The following SUGP1 variants were observed in gnomAD, a reference collection of about 807,000 sequenced individuals.
SUGP1 encodes the protein SURP and G-patch domain-containing protein 1.
SUGP1 carries 34 observed loss-of-function variants against 76.5 expected under a neutral mutation model. The ratio of observed to expected loss-of-function variants is 0.44; its 90% confidence interval spans 0.34 to 0.59. SUGP1 has a LOEUF of 0.59. Among genes scored for constraint, SUGP1 ranks in the 20% least tolerant of loss-of-function variants. The probability of loss-of-function intolerance (pLI) is 0.01; values close to 1 mark genes in which losing one functional copy is unlikely to be tolerated. For synonymous variants in SUGP1, 326 were observed against 326.2 expected, an observed-to-expected ratio of 1.00 and a Z score of 0.01; for missense variants, 752 against 851.7, an observed-to-expected ratio of 0.88 and a Z score of 1.46.
chr19:19,290,510 G>C (rs879731762), intron 8 of SUGP1, among the ~76,000 whole-genome samples: 6 of 151,912 alleles, frequency 3.9e-5, no homozygotes, highest in African/African-American at 1.2e-4. Flanking sequence ...CGGGCATGGT[G>C]GTGGGCACCT....
intron 13 of SUGP1, 57 bp downstream of exon 13, chr19:19,276,890 C>A: frequency 6.2e-7 from 1 of 1,602,334 alleles, no homozygotes; most frequent in South Asian, 1.1e-5. Flanking sequence ...GCCTTCTGTT[C>A]CTACCACCAC....
In SUGP1 at chr19:19,282,178, C is replaced by T. The variant is rs370136429; in HGVS notation, c.1244-1887G>A. ...TATTTTTAGTAGAGACGGAGTTTCACCATATTAGTCAGGCTGGTCTTGAAC... is the reference window on the plus strand; with the variant it reads ...TATTTTTAGTAGAGACGGAGTTTCATCATATTAGTCAGGCTGGTCTTGAAC... On this transcript the variant is annotated intron_variant, in intron 8 of 13. Coordinates refer to ENST00000247001, the MANE Select transcript of SUGP1 (RefSeq NM_172231.4). Among the ~76,000 whole-genome samples the T allele has an allele frequency of 7.2e-4, 109 of 152,190 alleles. No individual in the cohort carries two copies. The South Asian group carries it at 0.016, about 23-fold the overall frequency.
At chr19:19,292,820 G>GGAT (rs1412523823) in intron 8 of SUGP1, among the ~76,000 whole-genome samples, 1 of 152,098 alleles carries the variant, frequency 6.6e-6, no homozygotes, top group Non-Finnish European at 1.5e-5. Flanking sequence ...CGCAATGCAA[G>GGAT]GATGGCTCAA....
chr19:19,315,153 C>T (rs1397793603), intron 2 of SUGP1, among the ~76,000 whole-genome samples: 1 of 151,862 alleles, frequency 6.6e-6, no homozygotes, highest in African/African-American at 2.4e-5. Context: ...ATAACAAGAC[C>T]TCATCTCTAC....
chr19:19,312,683 A>C (rs572997643), intron 2 of SUGP1, among the ~76,000 whole-genome samples: 13 of 152,306 alleles, frequency 8.5e-5, no homozygotes, highest in African/African-American at 3.1e-4. Flanking sequence ...AAGCAATCAA[A>C]TACAATGTTA....
chr19:19,306,002 T>C lies in SUGP1; in HGVS notation c.385A>G (p.Ser129Gly). Residue 129 changes from serine (S) to glycine (G), a missense_variant, in exon 4 of 14, where the codon AGC becomes GGC. Transcript: ENST00000247001. ...PSAGKRSLLI[S>G]RRTGLGLASL... ...GCCAGCCCCAGGCCTGTCCGCCTGC[T>C]GATGAGCAGGGACCTCTTCCCAGCG... 1 of 1,612,096 alleles carries C rather than the reference T, an allele frequency of 6.2e-7. No homozygotes were observed. The highest frequency in any genetic ancestry group is 1.1e-5 in the South Asian group (1 of 91,014).
At position 19,316,220 on chromosome 19, in the gene SUGP1, C is replaced by T; in HGVS notation, c.206+202G>A. ...AATAACTGCTGAGTGGATGAGTTGG[C>T]AGGCTGTCCTCTGGGCTTCCACATA... is the stretch of plus-strand genomic sequence containing the variant. On this transcript the variant is annotated intron_variant, in intron 2 of 13. Coordinates refer to ENST00000247001, the MANE Select transcript of SUGP1 (RefSeq NM_172231.4). The T allele has an allele frequency of 8.0e-6, 5 of 628,234 alleles. No individual in the cohort carries two copies. In the South Asian group the frequency reaches 8.3e-5, roughly 10 times the overall value. 38.9% of individuals were successfully genotyped at this position (628,234 alleles called of 1,614,324 possible).
intron 8 of SUGP1, among the ~76,000 whole-genome samples, chr19:19,285,110 G>A (rs1002037545): frequency 1.3e-5 from 2 of 151,774 alleles, no homozygotes; most frequent in Non-Finnish European, 2.9e-5. Flanking sequence ...CTCGTGATCC[G>A]CCCGCCTCGG....
intron 8 of SUGP1, among the ~76,000 whole-genome samples, chr19:19,281,872 A>C (rs1339408461): frequency 6.6e-6 from 1 of 152,238 alleles, no homozygotes; most frequent in Non-Finnish European, 1.5e-5. Flanking sequence ...ATGAGAGACC[A>C]GGCCATAGGC....
chr19:19,276,898 C>A (rs762291935), intron 13 of SUGP1, 49 bp downstream of exon 13: 3 of 1,606,024 alleles, frequency 1.9e-6, no homozygotes, highest in South Asian at 1.1e-5. Context: ...TTCCTACCAC[C>A]ACCCTCTCCT....
intron 8 of SUGP1, among the ~76,000 whole-genome samples, chr19:19,291,225 CAGA>C (rs1228125239): frequency 3.3e-5 from 5 of 152,096 alleles, no homozygotes; most frequent in African/African-American, 1.2e-4. Context: ...CCAAAGCTAA[CAGA>C]AGAAAATAGT....
chr19:19,284,878 T>G (rs985129760), intron 8 of SUGP1, among the ~76,000 whole-genome samples: 3 of 150,736 alleles, frequency 2.0e-5, no homozygotes, highest in Non-Finnish European at 1.5e-5. Context: ...CAGGTTTGTT[T>G]TTTTTTTTTT....
chr19:19,282,056 T>C (rs913741978), intron 8 of SUGP1, among the ~76,000 whole-genome samples: 4 of 152,194 alleles, frequency 2.6e-5, no homozygotes, highest in Non-Finnish European at 5.9e-5. Context: ...CTTGGCTCAC[T>C]GCAACCTCCG....
At chr19:19,313,847 C>A (rs939973169) in intron 2 of SUGP1, among the ~76,000 whole-genome samples, 1 of 151,846 alleles carries the variant, frequency 6.6e-6, no homozygotes, top group Non-Finnish European at 1.5e-5. Context: ...AACTAAAATA[C>A]AAAAAAATGG....
Position 19,306,214 on chromosome 19 carries a change from C to T in SUGP1, c.311-138G>A, listed in dbSNP as rs2061316981. ...ACTCAGGGGCTCAGAGGAGGCCACCCTGATTTTACAGATGGGGACAGTGAG... is the reference window on the plus strand; with the variant it reads ...ACTCAGGGGCTCAGAGGAGGCCACCTTGATTTTACAGATGGGGACAGTGAG... On this transcript the variant is annotated intron_variant, in intron 3 of 13. Transcript: ENST00000247001. 3.9e-6 allele frequency: 3 copies of T among 777,070 alleles called. 1 individual carries two copies. The highest frequency in any genetic ancestry group is 4.2e-5 in the South Asian group (2 of 48,166). The allele number at this position is 777,070 out of a possible 1,614,324, so 48.1% of individuals were successfully genotyped here. A position where few individuals can be genotyped will look rare whatever the true frequency, so the allele number is the denominator to read the frequency against.
At chr19:19,320,311 G>A (rs1201697834) in intron 1 of SUGP1, 152 bp downstream of exon 1, 1 of 757,848 alleles carries the variant, frequency 1.3e-6, no homozygotes, top group Non-Finnish European at 2.0e-6. Flanking sequence ...GGGGTCTCGA[G>A]AAACCAAGAG....
intron 2 of SUGP1, among the ~76,000 whole-genome samples, chr19:19,311,947 C>G (rs1208229514): frequency 2.0e-5 from 3 of 151,562 alleles, no homozygotes; most frequent in Non-Finnish European, 4.4e-5. Flanking sequence ...CACTGCACGT[C>G]TGCCTGGGCA....
chr19:19,297,393 G>A (rs1440619106), intron 7 of SUGP1, 49 bp from the exon 8 acceptor site: 1 of 1,223,646 alleles, frequency 8.2e-7, no homozygotes, highest in Non-Finnish European at 1.1e-6. Flanking sequence ...CCGAGGCCCT[G>A]TCCCTGATTC....
intron 7 of SUGP1, 34 bp downstream of exon 7, chr19:19,302,231 G>A: frequency 1.3e-5 from 21 of 1,612,492 alleles, no homozygotes; most frequent in Non-Finnish European, 1.8e-5. Context: ...TGTGGCCAGG[G>A]TGACGGTCAC....
Sources: allele counts gnomAD v4.1 joint callset (sites outside exome capture counted in the v4.1 genomes callset), GRCh38; gene constraint gnomAD v4.1.1; transcripts MANE v1.5; gene names NCBI Gene and HGNC (gene_info 2026-07-23, HGNC 2026-07-21).